Variants in LYRM4 observed in about 807,000 individuals in gnomAD.
LYRM4 encodes the protein LYR motif-containing protein 4.
LYRM4 carries 9 observed loss-of-function variants against 11.7 expected under a neutral mutation model. The ratio of observed to expected loss-of-function variants is 0.77; its 90% CI spans 0.46 to 1.34. The LOEUF (loss-of-function observed/expected upper bound fraction) is 1.34. Ranked by LOEUF, LYRM4 falls within the 40% of genes most tolerant of loss-of-function variation. The pLI, the probability that LYRM4 is intolerant of heterozygous loss-of-function variation, is 0.00. For missense variants in LYRM4, 133 were observed against 112.5 expected, an observed-to-expected ratio of 1.18 and a Z score of -0.82; for synonymous variants, 42 against 40.4, an observed-to-expected ratio of 1.04 and a Z score of -0.15.
the LYRM4 span, chr6:5,088,358 G>A: frequency 6.6e-6 from 1 of 152,240 alleles, no homozygotes; most frequent in Non-Finnish European, 1.5e-5. Context: ...GCCTCCCAAA[G>A]TGCTAGGATT....
intron 1 of LYRM4, among the ~76,000 whole-genome samples, chr6:5,241,238 C>T (rs1206467753): frequency 6.6e-6 from 1 of 152,182 alleles, no homozygotes; most frequent in East Asian, 1.9e-4. Context: ...TAAGAATCCT[C>T]ATTTCATAGT....
the LYRM4 span, among the ~76,000 whole-genome samples, chr6:5,078,998 C>T: frequency 6.6e-6 from 1 of 152,120 alleles, no homozygotes; most frequent in East Asian, 1.9e-4. Flanking sequence ...AAGGCTTTTC[C>T]TCTATCCTCT....
chr6:5,085,651 G>A, the LYRM4 span: 2 of 1,548,764 alleles, frequency 1.3e-6, no homozygotes, highest in Admixed American at 3.9e-5. Context: ...TCAGCTAGGG[G>A]ATAGGCCCCT....
intron 1 of LYRM4, among the ~76,000 whole-genome samples, chr6:5,223,560 A>G (rs1762710524): frequency 6.6e-6 from 1 of 152,182 alleles, no homozygotes; most frequent in Non-Finnish European, 1.5e-5. Context: ...GTCCATTTGA[A>G]CAGGCATTAA....
chr6:5,118,060 C>A (rs1053098018), intron 2 of LYRM4, among the ~76,000 whole-genome samples: 1 of 142,710 alleles, frequency 7.0e-6, no homozygotes, highest in African/African-American at 2.5e-5. Context: ...GCCAAAAAAA[C>A]CCCTTAAGTC....
chr6:5,090,913 G>T, the LYRM4 span, among the ~76,000 whole-genome samples: 3 of 152,296 alleles, frequency 2.0e-5, no homozygotes, highest in East Asian at 5.8e-4. The surrounding 1 kb of genome is among the most constrained non-coding windows in gnomAD (Gnocchi z 4.8). Flanking sequence ...TTGGAGCCTT[G>T]TGGGGCAGAG....
At chr6:5,069,394 G>A in the LYRM4 span, among the ~76,000 whole-genome samples, 2 of 150,322 alleles carry the variant, frequency 1.3e-5, no homozygotes, top group South Asian at 4.2e-4. Context: ...GTCAATCGGC[G>A]CACATCTTAC....
intron 1 of LYRM4, among the ~76,000 whole-genome samples, chr6:5,225,645 A>C (rs764445651): frequency 2.0e-5 from 3 of 152,236 alleles, no homozygotes; most frequent in Non-Finnish European, 4.4e-5. Context: ...CAATTGTGCT[A>C]CCACAAACAA....
chr6:5,194,665 C>T (rs985448490), intron 2 of LYRM4, among the ~76,000 whole-genome samples: 6 of 152,196 alleles, frequency 3.9e-5, no homozygotes, highest in Admixed American at 6.5e-5. Flanking sequence ...AAAATACTAC[C>T]TTTGAAAATT....
At chr6:5,205,818 T>C (rs576981627) in intron 2 of LYRM4, among the ~76,000 whole-genome samples, 1 of 152,298 alleles carries the variant, frequency 6.6e-6, no homozygotes, top group East Asian at 1.9e-4. Context: ...CATTCGTAAA[T>C]GAGATATCTA....
At chr6:5,197,130 A>G (rs1361918528) in intron 2 of LYRM4, among the ~76,000 whole-genome samples, 2 of 152,186 alleles carry the variant, frequency 1.3e-5, no homozygotes, top group South Asian at 2.1e-4. Context: ...GATTACTGAA[A>G]CAGATGAGCA....
chr6:5,203,246 C>T (rs1464849606), intron 2 of LYRM4, among the ~76,000 whole-genome samples: 1 of 152,202 alleles, frequency 6.6e-6, no homozygotes, highest in African/African-American at 2.4e-5. Context: ...CACTGAAGCT[C>T]TGATTAGGCA....
At chr6:5,218,453 A>C in intron 1 of LYRM4, 5 of 887,550 alleles carry the variant, frequency 5.6e-6, no homozygotes, top group Non-Finnish European at 6.8e-6. Flanking sequence ...TAAAGTAAAA[A>C]GGCATTTTAC....
intron 1 of LYRM4, among the ~76,000 whole-genome samples, chr6:5,251,877 G>A (rs1457942942): frequency 1.3e-5 from 2 of 152,182 alleles, no homozygotes; most frequent in Non-Finnish European, 2.9e-5. Context: ...CCCACTCCAG[G>A]AGCTCATGGT....
intron 2 of LYRM4, among the ~76,000 whole-genome samples, chr6:5,200,308 C>T (rs1013768084): frequency 1.3e-5 from 2 of 152,188 alleles, no homozygotes; most frequent in African/African-American, 4.8e-5. Flanking sequence ...GAGGACTCCA[C>T]TCTCGAGGAC....
Position 5,260,748 on chromosome 6 carries a change from AAAAT to A in LYRM4, c.-19_-16del, listed in dbSNP as rs1454088040. 1.3e-6 allele frequency: 2 copies of A among 1,543,806 alleles called. No individual in the cohort carries two copies. The highest frequency in any genetic ancestry group is 1.4e-5 in the African/African-American group (1 of 73,060). On this transcript the variant is annotated 5_prime_UTR_variant, in exon 1 of 3. Transcript: ENST00000330636. ...GAGGCTGCCATTTTGGAAAGAAAAA[AAAAT>A]AAACGGGTCCTCTTCGCCGAGGTCC...
the LYRM4 span, among the ~76,000 whole-genome samples, chr6:5,050,000 A>G: frequency 6.6e-6 from 1 of 152,258 alleles, no homozygotes; most frequent in Non-Finnish European, 1.5e-5. Flanking sequence ...ATATGAAGGC[A>G]TTGGCTTTTC....
intron 1 of LYRM4, among the ~76,000 whole-genome samples, chr6:5,246,649 G>A (rs1181003610): frequency 6.6e-6 from 1 of 152,178 alleles, no homozygotes; most frequent in Non-Finnish European, 1.5e-5. Flanking sequence ...AGGGTGAAGT[G>A]GAGGGAGTGG....
At chr6:5,226,690 T>C (rs1445752002) in intron 1 of LYRM4, among the ~76,000 whole-genome samples, 1 of 152,186 alleles carries the variant, frequency 6.6e-6, no homozygotes, top group African/African-American at 2.4e-5. Flanking sequence ...TGTTACGTTT[T>C]TAAAAGTGAA....
Sources: allele counts gnomAD v4.1 joint callset (sites outside exome capture counted in the v4.1 genomes callset), GRCh38; gene constraint gnomAD v4.1.1; non-coding constraint Gnocchi (gnomAD v3.1); transcripts MANE v1.5; gene names NCBI Gene and HGNC (gene_info 2026-07-23, HGNC 2026-07-21).